The following GRIK2 variants were observed in gnomAD, a reference collection of about 807,000 sequenced individuals.
The protein encoded by GRIK2 is glutamate ionotropic receptor kainate type subunit 2.
GRIK2 carries 32 observed loss-of-function variants against 100.3 expected under a neutral mutation model. The observed-to-expected ratio is 0.32, with a 90% CI of 0.24 to 0.43. The LOEUF (loss-of-function observed/expected upper bound fraction) is 0.43, where lower values mean the gene tolerates loss of function less well. Among genes scored for constraint, GRIK2 ranks in the 20% least tolerant of loss-of-function variants. GRIK2 has a pLI of 1.00. For missense variants in GRIK2, 843 were observed against 1,114.9 expected, an observed-to-expected ratio of 0.76 and a Z score of 3.47; for synonymous variants, 417 against 389.4, an observed-to-expected ratio of 1.07 and a Z score of -0.83.
At chr6:101,719,138 GTTTTTTTTTTTTTTTTT>G (rs60301711) in intron 7 of GRIK2, among the ~76,000 whole-genome samples, 6 of 101,148 alleles carry the variant, frequency 5.9e-5, no homozygotes, top group South Asian at 3.2e-4. Flanking sequence ...GGCTGCAAGG[GTTTTTTTTTTTTTTTTT>G]TTTTTTTTTT....
At chr6:101,799,887 T>C in intron 8 of GRIK2, 96 bp downstream of exon 8, 3 of 923,616 alleles carry the variant, frequency 3.2e-6, no homozygotes, top group Non-Finnish European at 4.9e-6. Flanking sequence ...CCTTTTACTT[T>C]ATGTTTAATT....
chr6:101,755,208 C>G (rs1777058599), intron 7 of GRIK2, among the ~76,000 whole-genome samples: 1 of 124,266 alleles, frequency 8.0e-6, no homozygotes, highest in African/African-American at 3.1e-5. Flanking sequence ...GCTCTGTCAT[C>G]CAGTCTGGAG....
intron 9 of GRIK2, among the ~76,000 whole-genome samples, chr6:101,812,324 C>A (rs573630886): frequency 2.2e-4 from 34 of 151,698 alleles, no homozygotes; most frequent in Non-Finnish European, 4.0e-4. Context: ...AATAAATATT[C>A]ATTGGATATT....
At chr6:101,885,284 T>A (rs190200101) in intron 11 of GRIK2, among the ~76,000 whole-genome samples, 32 of 152,198 alleles carry the variant, frequency 2.1e-4, no homozygotes, top group Admixed American at 1.9e-3. Flanking sequence ...GAACCAGAGA[T>A]GTGTCTTATA....
intron 15 of GRIK2, among the ~76,000 whole-genome samples, chr6:102,045,578 A>G (rs1770842142): frequency 6.6e-6 from 1 of 152,076 alleles, no homozygotes; most frequent in Non-Finnish European, 1.5e-5. Context: ...GAGGTTAAAA[A>G]TCATCTGGTA....
intron 11 of GRIK2, among the ~76,000 whole-genome samples, chr6:101,870,078 T>C (rs1785304150): frequency 6.6e-6 from 1 of 151,978 alleles, no homozygotes; most frequent in South Asian, 2.1e-4. Flanking sequence ...TAAACTATCC[T>C]TTATGTCCTT....
intron 11 of GRIK2, among the ~76,000 whole-genome samples, chr6:101,886,986 TG>T (rs1038389423): frequency 4.3e-5 from 6 of 140,400 alleles, no homozygotes; most frequent in African/African-American, 1.5e-4. Flanking sequence ...CCACCACACC[TG>T]GGTATTTTTT....
rs563811125 is a variant in GRIK2, at chr6:101,900,071, T to A, written c.1748+10208T>A. Among the ~76,000 whole-genome samples, 90 of 152,320 alleles carry A rather than the reference T, an allele frequency of 5.9e-4. 1 individual carries two copies. The highest frequency in any genetic ancestry group is 2.1e-3 in the African/African-American group (86 of 41,572). The stretch of plus-strand genomic sequence containing the variant: ...TACTTAGAGAAATGTGTATTTATTT[T>A]AAAATGTTGATATTACTACTTCAAT... On this transcript the variant is annotated intron_variant, in intron 12 of 16. Transcript: ENST00000369134.
intron 2 of GRIK2, among the ~76,000 whole-genome samples, chr6:101,577,099 A>C (rs1777823958): frequency 6.6e-6 from 1 of 151,974 alleles, no homozygotes; most frequent in Admixed American, 6.6e-5. Flanking sequence ...CAAGTAATAG[A>C]CTAATGATTA....
chr6:102,068,051 T>A (rs1470450303), intron 16 of GRIK2, among the ~76,000 whole-genome samples: 2 of 151,932 alleles, frequency 1.3e-5, no homozygotes, highest in African/African-American at 4.8e-5. Flanking sequence ...ATCATTTTTA[T>A]ATAATGTCAT....
intron 2 of GRIK2, among the ~76,000 whole-genome samples, chr6:101,603,267 T>C (rs936859424): frequency 4.6e-5 from 7 of 151,732 alleles, no homozygotes; most frequent in African/African-American, 1.7e-4. Flanking sequence ...CCAAAGGGGA[T>C]ATGTAGTTAA....
chr6:102,045,411 G>A (rs1390262717), intron 15 of GRIK2, among the ~76,000 whole-genome samples: 1 of 151,946 alleles, frequency 6.6e-6, no homozygotes, highest in African/African-American at 2.4e-5. Context: ...GTTTTGGAAA[G>A]GTGTACATAG....
intron 11 of GRIK2, among the ~76,000 whole-genome samples, chr6:101,862,890 A>C (rs1330589544): frequency 6.6e-6 from 1 of 152,036 alleles, no homozygotes; most frequent in Non-Finnish European, 1.5e-5. Flanking sequence ...CAGATTTTCC[A>C]TTGGGCTGAT....
intron 14 of GRIK2, among the ~76,000 whole-genome samples, chr6:101,940,827 A>G (rs1196781043): frequency 1.3e-5 from 2 of 152,188 alleles, no homozygotes; most frequent in African/African-American, 2.4e-5. Context: ...CACATGTAAT[A>G]CATCTAGTGC....
chr6:101,919,155 A>G (rs193240908), intron 12 of GRIK2, among the ~76,000 whole-genome samples: 1 of 151,880 alleles, frequency 6.6e-6, no homozygotes, highest in Non-Finnish European at 1.5e-5. Flanking sequence ...CTAATAATTC[A>G]GTAGTTAATA....
chr6:101,830,929 A>G (rs1267642522), intron 10 of GRIK2, among the ~76,000 whole-genome samples: 3 of 152,012 alleles, frequency 2.0e-5, no homozygotes, highest in African/African-American at 7.2e-5. Flanking sequence ...ACACATGGAA[A>G]CAAGATGGGA....
chr6:101,493,587 T>G (rs1773256884), intron 2 of GRIK2, among the ~76,000 whole-genome samples: 1 of 151,892 alleles, frequency 6.6e-6, no homozygotes, highest in South Asian at 2.1e-4. Flanking sequence ...AATCAATAAA[T>G]CATCACTAAA....
intron 4 of GRIK2, among the ~76,000 whole-genome samples, chr6:101,663,211 T>C (rs1156964176): frequency 6.6e-6 from 1 of 152,136 alleles, no homozygotes; most frequent in African/African-American, 2.4e-5. Context: ...TCCTGGGACA[T>C]AGCCAGAATA....
intron 2 of GRIK2, among the ~76,000 whole-genome samples, chr6:101,415,499 T>C (rs1465740079): frequency 6.6e-6 from 1 of 151,028 alleles, no homozygotes; most frequent in Non-Finnish European, 1.5e-5. Flanking sequence ...GCCTCACAAG[T>C]AGCTGTGAAT....
Sources: gnomAD v4.1 joint callset for allele counts (sites outside exome capture counted in the v4.1 genomes callset) on GRCh38, gnomAD v4.1.1 for gene constraint, MANE v1.5 for transcripts, NCBI Gene and HGNC (gene_info 2026-07-23, HGNC 2026-07-21) for gene names.